The following CDYL2 variants were observed in gnomAD, a reference collection of about 807,000 sequenced individuals.
The protein encoded by CDYL2 is chromodomain Y-like protein 2.
A neutral mutation model predicts 49.4 loss-of-function variants in CDYL2; 23 were observed. The observed-to-expected ratio is 0.47, with a 90% CI of 0.34 to 0.66. The LOEUF is 0.66. CDYL2 is among the 30% of genes least tolerant of loss of function. The probability of loss-of-function intolerance (pLI) is 0.01; values close to 1 mark genes in which losing one functional copy is unlikely to be tolerated. For synonymous variants in CDYL2, 360 were observed against 268.8 expected (o/e 1.34, Z -3.32); for missense variants, 678 against 656.4 (o/e 1.03, Z -0.36).
At chr16:80,695,502 A>C (rs1205456783) in intron 1 of CDYL2, among the ~76,000 whole-genome samples, 1 of 152,262 alleles carries the variant, frequency 6.6e-6, no homozygotes, top group East Asian at 1.9e-4. Flanking sequence ...GCTGCCTATA[A>C]GAAATTCACT....
At chr16:80,683,107 G>C (rs541269067) in intron 2 of CDYL2, among the ~76,000 whole-genome samples, 45 of 152,264 alleles carry the variant, frequency 3.0e-4, no homozygotes, top group African/African-American at 1.0e-3. Context: ...GAAGTGTGTT[G>C]GCCTCATCAC....
intron 1 of CDYL2, among the ~76,000 whole-genome samples, chr16:80,687,866 A>G (rs575123147): frequency 6.6e-5 from 10 of 152,350 alleles, no homozygotes; most frequent in Non-Finnish European, 1.3e-4. Flanking sequence ...GTACGTTTGC[A>G]TTCCACAGTA....
At chr16:80,763,880 T>C (rs1484686305) in intron 1 of CDYL2, among the ~76,000 whole-genome samples, 1 of 152,000 alleles carries the variant, frequency 6.6e-6, no homozygotes, top group Non-Finnish European at 1.5e-5. Context: ...AGACCATAAG[T>C]AAGCTTAAAA....
intron 2 of CDYL2, among the ~76,000 whole-genome samples, chr16:80,674,013 A>G (rs1310761033): frequency 6.6e-6 from 1 of 152,202 alleles, no homozygotes; most frequent in African/African-American, 2.4e-5. Flanking sequence ...GGCCTCCAGA[A>G]GGAGCACAGC....
At chr16:80,654,438 G>C (rs1488155346) in intron 2 of CDYL2, among the ~76,000 whole-genome samples, 2 of 152,194 alleles carry the variant, frequency 1.3e-5, no homozygotes, top group African/African-American at 4.8e-5. Flanking sequence ...GCCCAGCTTA[G>C]CACAACACCA....
At chr16:80,675,748 TAGG>T (rs950202760) in intron 2 of CDYL2, among the ~76,000 whole-genome samples, 12 of 151,830 alleles carry the variant, frequency 7.9e-5, no homozygotes, top group Admixed American at 5.9e-4. Context: ...TCACCGACAT[TAGG>T]AGGTGAAGTT....
At chr16:80,613,832 C>T (rs1420533414) in intron 4 of CDYL2, among the ~76,000 whole-genome samples, 1 of 152,194 alleles carries the variant, frequency 6.6e-6, no homozygotes, top group African/African-American at 2.4e-5. Context: ...TATAAGAACT[C>T]ACAAGAATAA....
intron 3 of CDYL2, among the ~76,000 whole-genome samples, chr16:80,621,208 G>A (rs1907070727): frequency 6.6e-6 from 1 of 152,250 alleles, no homozygotes; most frequent in African/African-American, 2.4e-5. Flanking sequence ...AGATCTGGAA[G>A]CCTGGCCTGG....
At position 80,804,260 on chromosome 16, in the gene CDYL2, T is replaced by C. The variant is rs1908029325; in HGVS notation, c.-87A>G. 3 of 1,187,098 alleles carry C rather than the reference T, an allele frequency of 2.5e-6. No homozygotes were observed. The highest frequency in any genetic ancestry group is 1.6e-5 in the South Asian group (1 of 64,070). 73.5% of individuals were successfully genotyped at this position (1,187,098 alleles called of 1,614,324 possible). A position where few individuals can be genotyped will look rare whatever the true frequency, so the allele number is the denominator to read the frequency against. Reference sequence around the variant, plus strand: ...GTGCGCGCGGGGTCCGGTGTGCGCGTGTGTGTGCGCGCGTGTGTGTGCGAG... The same window carrying C: ...GTGCGCGCGGGGTCCGGTGTGCGCGCGTGTGTGCGCGCGTGTGTGTGCGAG... On this transcript the variant is annotated 5_prime_UTR_variant, in exon 1 of 7. Coordinates refer to ENST00000570137, the MANE Select transcript of CDYL2 (RefSeq NM_152342.4).
intron 2 of CDYL2, among the ~76,000 whole-genome samples, chr16:80,672,132 T>A (rs1909536770): frequency 6.6e-6 from 1 of 152,156 alleles, no homozygotes; most frequent in Non-Finnish European, 1.5e-5. Flanking sequence ...CTCAGAAAGT[T>A]CTGGATTTTG....
chr16:80,758,032 T>C (rs2142379228), intron 1 of CDYL2, among the ~76,000 whole-genome samples: 1 of 152,190 alleles, frequency 6.6e-6, no homozygotes, highest in Admixed American at 6.5e-5. Flanking sequence ...AAATAAGGCA[T>C]TCCAATACAG....
At chr16:80,712,158 T>G (rs1904629893) in intron 1 of CDYL2, among the ~76,000 whole-genome samples, 2 of 141,262 alleles carry the variant, frequency 1.4e-5, no homozygotes, top group South Asian at 4.6e-4. Context: ...TATATACATG[T>G]GTGTATATAT....
At chr16:80,670,684 G>A (rs761734211) in intron 2 of CDYL2, among the ~76,000 whole-genome samples, 2 of 152,076 alleles carry the variant, frequency 1.3e-5, no homozygotes, top group East Asian at 1.9e-4. Flanking sequence ...CACGAGGTGC[G>A]CAAACCTATT....
At chr16:80,662,995 A>C (rs1909110361) in intron 2 of CDYL2, among the ~76,000 whole-genome samples, 1 of 151,994 alleles carries the variant, frequency 6.6e-6, no homozygotes, top group African/African-American at 2.4e-5. Flanking sequence ...AAATGAATAA[A>C]CACTAGACTT....
chr16:80,758,875 G>C (rs911985201), intron 1 of CDYL2, among the ~76,000 whole-genome samples: 1 of 151,654 alleles, frequency 6.6e-6, no homozygotes, highest in Non-Finnish European at 1.5e-5. Flanking sequence ...CAAAAAATCA[G>C]AAATATTCTA....
At chr16:80,696,317 T>C (rs890469903) in intron 1 of CDYL2, among the ~76,000 whole-genome samples, 7 of 152,000 alleles carry the variant, frequency 4.6e-5, no homozygotes, top group African/African-American at 7.2e-5. Flanking sequence ...AATGACCTAA[T>C]GATACATCTC....
intron 2 of CDYL2, among the ~76,000 whole-genome samples, chr16:80,669,475 C>T (rs761600161): frequency 5.3e-5 from 8 of 152,134 alleles, no homozygotes; most frequent in Middle Eastern, 3.4e-3. Context: ...CAAGGAGCCG[C>T]GTCAAGCAGA....
At position 80,759,120 on chromosome 16, in the gene CDYL2, A is replaced by ATATATATATGGTT. The variant is rs1555535886; in HGVS notation, c.24+45029_24+45030insAACCATATATATA. Reference sequence around the variant, plus strand: ...CCATATACTATATATATATATATATATATATATATATATATATATGGTTTA... The same window carrying ATATATATATGGTT: ...CCATATACTATATATATATATATATATATATATATGGTTTATATATATATATATATATGGTTTA... On this transcript the variant is annotated intron_variant, in intron 1 of 6. Transcript: ENST00000570137. Among the ~76,000 whole-genome samples, 125 of 122,684 alleles carry ATATATATATGGTT rather than the reference A, an allele frequency of 1.0e-3. 3 individuals carry two copies. The highest frequency in any genetic ancestry group is 2.8e-3 in the African/African-American group (81 of 28,570). The allele number at this position is 122,684 out of a possible 152,430, so 80.5% of individuals were successfully genotyped here. A position where few individuals can be genotyped will look rare whatever the true frequency, so the allele number is the denominator to read the frequency against.
chr16:80,759,150 A>ATATATATGGTTTATATAT (rs1211358459), intron 1 of CDYL2, among the ~76,000 whole-genome samples: 1 of 80,838 alleles, frequency 1.2e-5, no homozygotes, highest in African/African-American at 5.0e-5. Flanking sequence ...GGTTTATATA[A>ATATATATGGTTTATATAT]ATATATGGTT....
Sources: gnomAD v4.1 joint callset for allele counts (sites outside exome capture counted in the v4.1 genomes callset) on GRCh38, gnomAD v4.1.1 for gene constraint, MANE v1.5 for transcripts, NCBI Gene and HGNC (gene_info 2026-07-23, HGNC 2026-07-21) for gene names.